The following CES5A variants were observed in gnomAD, a reference collection of about 807,000 sequenced individuals.
The protein encoded by CES5A is carboxylesterase 5A, also known as carboxylesterase 5.
In CES5A, 67 loss-of-function variants were observed where a neutral mutation model predicts 62.9. The observed-to-expected ratio is 1.07, with a 90% CI of 0.88 to 1.31. CES5A has a LOEUF of 1.31. CES5A is among the 50% of genes most tolerant of loss of function. The pLI is 0.00. For synonymous variants in CES5A, 296 were observed against 280.8 expected (o/e 1.05, Z -0.54); for missense variants, 748 against 708.5 (o/e 1.06, Z -0.63).
At chr16:55,851,070 C>T (rs1405557060) in intron 10 of CES5A, among the ~76,000 whole-genome samples, 4 of 152,030 alleles carry the variant, frequency 2.6e-5, no homozygotes, top group Non-Finnish European at 5.9e-5. Flanking sequence ...ATTTCCATAC[C>T]CTTGAATTTG....
At chr16:55,887,856 T>G (rs1189720145) in intron 1 of CES5A, among the ~76,000 whole-genome samples, 2 of 152,128 alleles carry the variant, frequency 1.3e-5, no homozygotes, top group Non-Finnish European at 2.9e-5. Flanking sequence ...ATGGGCAGAA[T>G]CAGCAAGAAA....
chr16:55,880,183 C>T (rs1211691014), upstream of CES5A, among the ~76,000 whole-genome samples: 1 of 152,206 alleles, frequency 6.6e-6, no homozygotes, highest in Non-Finnish European at 1.5e-5. Flanking sequence ...CAGTAGTGTG[C>T]AGGCCCAGCC....
rs573275386 is a variant in CES5A at position 55,875,258 on chromosome 16, G to A, written c.-37C>T. 1.3e-4 allele frequency: 204 copies of A among 1,604,072 alleles called. 2 individuals are homozygous for A. In the South Asian group the frequency reaches 1.6e-3, roughly 13 times the overall value. On this transcript the variant is annotated 5_prime_UTR_variant, in exon 1 of 13. Transcript: ENST00000290567. Reference sequence around the variant, plus strand: ...CCTGCACTCTGTGAACATTGACGGCGGCTGCTGGCCTCAGAGAGCTTCAGT... The same window carrying A: ...CCTGCACTCTGTGAACATTGACGGCAGCTGCTGGCCTCAGAGAGCTTCAGT...
At position 55,852,934 on chromosome 16, in the gene CES5A, A is replaced by T; in HGVS notation, c.1220T>A (p.Leu407His). ...TEIRDSLLDLLGDVFFVVPAL... is the reference protein window; with the variant it reads ...TEIRDSLLDLHGDVFFVVPAL... ...AGGGACCACAAAGAACACATCTCCAAGCAAGTCCAGAAGACTGTCTCGGAT... is the reference window on the plus strand; with the variant it reads ...AGGGACCACAAAGAACACATCTCCATGCAAGTCCAGAAGACTGTCTCGGAT... The change falls in exon 10 of 13, where the codon CTT becomes CAT. Residue 407 changes from leucine (L) to histidine (H), a missense_variant. Coordinates refer to ENST00000290567, the MANE Select transcript of CES5A (RefSeq NM_001143685.2). 6.2e-7 allele frequency: 1 copy of T among 1,614,204 alleles called. No individual in the cohort carries two copies. Among genetic ancestry groups the T allele is most frequent in the Non-Finnish European group, 8.5e-7 (1 of 1,180,022 alleles).
chr16:55,869,074 T>C (rs1447031996), intron 4 of CES5A, among the ~76,000 whole-genome samples: 1 of 152,132 alleles, frequency 6.6e-6, no homozygotes, highest in Non-Finnish European at 1.5e-5. Context: ...GAGGCTCAGG[T>C]AGACACCACC....
chr16:55,885,815 C>A (rs1353992965), intron 1 of CES5A, among the ~76,000 whole-genome samples: 1 of 152,188 alleles, frequency 6.6e-6, no homozygotes, highest in Non-Finnish European at 1.5e-5. Flanking sequence ...TGGCCACTAC[C>A]TACTATGGGA....
chr16:55,938,801 C>T (rs1399314005), intron 2 of CES5A, among the ~76,000 whole-genome samples: 8 of 88,664 alleles, frequency 9.0e-5, no homozygotes, highest in Admixed American at 1.4e-4. Context: ...TATATATACA[C>T]ACATATATAT....
chr16:55,909,765 G>A (rs929921463), intron 1 of CES5A, among the ~76,000 whole-genome samples: 4 of 152,200 alleles, frequency 2.6e-5, no homozygotes, highest in Non-Finnish European at 5.9e-5. Context: ...GCCTGGGAAA[G>A]TTAGGAAATC....
chr16:55,922,031 C>T (rs1407749307), intron 1 of CES5A, among the ~76,000 whole-genome samples: 1 of 151,634 alleles, frequency 6.6e-6, no homozygotes, highest in Non-Finnish European at 1.5e-5. Context: ...AATGTAAAAA[C>T]TTATAATAGA....
chr16:55,940,427 T>C (rs1453898906), intron 2 of CES5A, among the ~76,000 whole-genome samples: 1 of 151,906 alleles, frequency 6.6e-6, no homozygotes, highest in Non-Finnish European at 1.5e-5. Context: ...TTCAAAAACT[T>C]AGATAAAATT....
At chr16:55,902,374 A>G (rs2033999210) in intron 1 of CES5A, among the ~76,000 whole-genome samples, 1 of 152,010 alleles carries the variant, frequency 6.6e-6, no homozygotes, top group Non-Finnish European at 1.5e-5. Flanking sequence ...ACAAGTTATT[A>G]CTCATCCCCA....
At chr16:55,889,777 C>T (rs2033856329) in intron 1 of CES5A, among the ~76,000 whole-genome samples, 1 of 152,074 alleles carries the variant, frequency 6.6e-6, no homozygotes, top group Non-Finnish European at 1.5e-5. Context: ...GGTTGGTTCC[C>T]TTGGTGACCA....
At chr16:55,955,820 T>C in intron 1 of CES5A, 1 of 1,535,670 alleles carries the variant, frequency 6.5e-7, no homozygotes, top group Non-Finnish European at 8.7e-7. Flanking sequence ...GTCCAGGCAG[T>C]AGCACCCTGT....
chr16:55,855,830 A>T (rs1407651556), intron 9 of CES5A, among the ~76,000 whole-genome samples: 1 of 152,006 alleles, frequency 6.6e-6, no homozygotes, highest in Non-Finnish European at 1.5e-5. Context: ...TATAGTTTCG[A>T]CCTGTGTCCC....
intron 1 of CES5A, among the ~76,000 whole-genome samples, chr16:55,953,675 A>G (rs1330925651): frequency 6.6e-6 from 1 of 152,110 alleles, no homozygotes; most frequent in African/African-American, 2.4e-5. Flanking sequence ...GAGCTTAAAT[A>G]CCTGGTTTTG....
intron 1 of CES5A, among the ~76,000 whole-genome samples, chr16:55,925,078 A>G (rs1199025198): frequency 2.6e-5 from 4 of 152,140 alleles, no homozygotes; most frequent in Non-Finnish European, 5.9e-5. Flanking sequence ...AAGTGAAGAG[A>G]CAACCCACAG....
intron 2 of CES5A, among the ~76,000 whole-genome samples, chr16:55,939,796 A>C (rs2034427888): frequency 6.6e-6 from 1 of 152,176 alleles, no homozygotes; most frequent in Non-Finnish European, 1.5e-5. Context: ...TAACCAATTT[A>C]AAATAATGGA....
At chr16:55,923,058 T>C (rs1325966055) in intron 1 of CES5A, among the ~76,000 whole-genome samples, 1 of 151,636 alleles carries the variant, frequency 6.6e-6, no homozygotes, top group Non-Finnish European at 1.5e-5. Context: ...GAGGAGTTTA[T>C]AGCAGTAAAC....
chr16:55,909,277 G>A (rs2034069018), intron 1 of CES5A, among the ~76,000 whole-genome samples: 1 of 152,142 alleles, frequency 6.6e-6, no homozygotes, highest in African/African-American at 2.4e-5. Context: ...TGGAGGGCTA[G>A]AGTCTTTCCT....
Sources: allele counts gnomAD v4.1 joint callset (sites outside exome capture counted in the v4.1 genomes callset), GRCh38; gene constraint gnomAD v4.1.1; transcripts MANE v1.5; gene names NCBI Gene and HGNC (gene_info 2026-07-23, HGNC 2026-07-21).